Variants in RHBDD1 observed in about 807,000 individuals in gnomAD.
RHBDD1 encodes rhomboid-related protein 4.
RHBDD1 carries 38 observed loss-of-function variants against 36.3 expected under a neutral mutation model. The observed-to-expected ratio is 1.05, with a 90% CI of 0.81 to 1.37. The LOEUF is 1.37. Among genes scored for constraint, RHBDD1 ranks in the 40% most tolerant of loss-of-function variants. RHBDD1 has a pLI of 0.00. For synonymous variants in RHBDD1, 151 were observed against 136.5 expected (o/e 1.11, Z -0.74); for missense variants, 393 against 377.6 (o/e 1.04, Z -0.34).
intron 5 of RHBDD1, among the ~76,000 whole-genome samples, chr2:226,899,324 C>T (rs969759026): frequency 2.0e-5 from 3 of 152,206 alleles, no homozygotes; most frequent in Non-Finnish European, 4.4e-5. Flanking sequence ...TGCCTTTCTA[C>T]TATCACTATC....
At chr2:226,935,634 AT>A (rs5839183) in intron 8 of RHBDD1, among the ~76,000 whole-genome samples, 69,950 of 149,108 alleles carry the variant, frequency 0.47, 16,347 homozygotes, top group African/African-American at 0.54. Flanking sequence ...TCTCAGTTTT[AT>A]TTTTTTTTTT....
At chr2:226,955,910 TG>T (rs910368520) in intron 8 of RHBDD1, among the ~76,000 whole-genome samples, 1 of 152,058 alleles carries the variant, frequency 6.6e-6, no homozygotes. Flanking sequence ...AATGAATTGG[TG>T]GGGGGGACAT....
intron 8 of RHBDD1, among the ~76,000 whole-genome samples, chr2:226,970,889 G>A (rs919953551): frequency 1.1e-4 from 16 of 152,234 alleles, no homozygotes; most frequent in African/African-American, 3.6e-4. Flanking sequence ...GAGGACCTTC[G>A]TGGACTTTTA....
chr2:226,819,299 C>A, the RHBDD1 span, among the ~76,000 whole-genome samples: 4 of 152,096 alleles, frequency 2.6e-5, no homozygotes, highest in East Asian at 7.7e-4. Context: ...AAAGTCCAAT[C>A]TAACTCAAGT....
the RHBDD1 span, among the ~76,000 whole-genome samples, chr2:226,827,514 T>C: frequency 1.3e-5 from 2 of 152,224 alleles, no homozygotes; most frequent in African/African-American, 4.8e-5. Flanking sequence ...CCTCAAAATA[T>C]TGTTCTCACT....
At chr2:226,911,541 CTT>C (rs869309466) in intron 7 of RHBDD1, among the ~76,000 whole-genome samples, 886 of 71,404 alleles carry the variant, frequency 0.012, 7 homozygotes, top group South Asian at 0.071. Flanking sequence ...TGTGAAAGTT[CTT>C]TTTTTTTTTT....
chr2:226,978,612 A>G (rs1955016419), intron 8 of RHBDD1, among the ~76,000 whole-genome samples: 2 of 152,196 alleles, frequency 1.3e-5, no homozygotes, highest in South Asian at 4.1e-4. Flanking sequence ...CCAGGCATAG[A>G]ATGTGGACAT....
intron 8 of RHBDD1, among the ~76,000 whole-genome samples, chr2:226,994,033 C>G (rs1958853351): frequency 6.6e-6 from 1 of 152,162 alleles, no homozygotes; most frequent in Non-Finnish European, 1.5e-5. Context: ...CATTTGGGTT[C>G]TGCAAATGGG....
chr2:226,955,556 A>AT (rs1291717425), intron 8 of RHBDD1, among the ~76,000 whole-genome samples: 1 of 152,160 alleles, frequency 6.6e-6, no homozygotes, highest in Non-Finnish European at 1.5e-5. Flanking sequence ...ACAGTAATGT[A>AT]TTTGCATGCT....
chr2:226,895,777 G>A (rs1465397911), intron 5 of RHBDD1: 1 of 985,260 alleles, frequency 1.0e-6, no homozygotes, highest in Non-Finnish European at 1.2e-6. Flanking sequence ...GCCAAATGGA[G>A]GAAGGTGTTC....
chr2:226,872,980 A>G (rs935139001), intron 5 of RHBDD1, among the ~76,000 whole-genome samples: 2 of 152,222 alleles, frequency 1.3e-5, no homozygotes, highest in African/African-American at 2.4e-5. Context: ...AGTTTTGACT[A>G]TATGAATGAG....
At chr2:226,925,690 G>A (rs572170903) in intron 8 of RHBDD1, among the ~76,000 whole-genome samples, 7 of 152,298 alleles carry the variant, frequency 4.6e-5, no homozygotes, top group Middle Eastern at 6.8e-3. Context: ...GTTAGTTACT[G>A]TATAAGGCAC....
At chr2:226,989,799 A>T (rs1468609123) in intron 8 of RHBDD1, among the ~76,000 whole-genome samples, 1 of 152,168 alleles carries the variant, frequency 6.6e-6, no homozygotes, top group African/African-American at 2.4e-5. Flanking sequence ...GGGAGAGAAA[A>T]GTACAACAGG....
chr2:226,858,330 C>A (rs1039634153), intron 3 of RHBDD1, among the ~76,000 whole-genome samples: 2 of 152,108 alleles, frequency 1.3e-5, no homozygotes, highest in African/African-American at 2.4e-5. Context: ...AAAAAACATA[C>A]AATTTAAGAA....
intron 5 of RHBDD1, among the ~76,000 whole-genome samples, chr2:226,900,526 T>A (rs1947499056): frequency 6.6e-6 from 1 of 152,148 alleles, no homozygotes; most frequent in East Asian, 1.9e-4. Flanking sequence ...AATAAAGCTT[T>A]TAAGTTACCA....
chr2:226,813,798 G>T, the RHBDD1 span, among the ~76,000 whole-genome samples: 1 of 151,948 alleles, frequency 6.6e-6, no homozygotes, highest in Non-Finnish European at 1.5e-5. Flanking sequence ...ATTTTAAATG[G>T]GATTAGTCAC....
intron 5 of RHBDD1, chr2:226,869,324 C>A: frequency 3.5e-6 from 1 of 289,794 alleles, no homozygotes; most frequent in Non-Finnish European, 5.1e-6. Flanking sequence ...ATACAAGCAT[C>A]TACTTACACA....
At chr2:226,810,540 C>CAAAAAAAAAAAAAAAA in the RHBDD1 span, among the ~76,000 whole-genome samples, 14 of 33,880 alleles carry the variant, frequency 4.1e-4, no homozygotes, top group African/African-American at 1.1e-3. Context: ...GACTCCGTCT[C>CAAAAAAAAAAAAAAAA]AAAAAAAAAA....
rs1313833120 is a variant in RHBDD1 at position 226,938,193 on chromosome 2, A to G, written c.856+23842A>G. ...ATTTGCATTTATCTAATGATCAGTG[A>G]TGTTGAGGTTTTTTTCATAGATTTT... On this transcript the variant is annotated intron_variant, in intron 8 of 8. Coordinates refer to ENST00000392062, the MANE Select transcript of RHBDD1 (RefSeq NM_001167608.3). Among the ~76,000 whole-genome samples, 3 of 152,062 alleles carry G rather than the reference A, an allele frequency of 2.0e-5. No homozygotes were observed. In the South Asian group the frequency reaches 6.2e-4, roughly 32 times the overall value.
Sources: gnomAD v4.1 joint callset for allele counts (sites outside exome capture counted in the v4.1 genomes callset) on GRCh38, gnomAD v4.1.1 for gene constraint, MANE v1.5 for transcripts, NCBI Gene and HGNC (gene_info 2026-07-23, HGNC 2026-07-21) for gene names.